Variants in PAX5 observed in about 807,000 individuals in gnomAD.
PAX5 encodes the protein paired box protein Pax-5.
Under a neutral mutation model 43.7 loss-of-function variants are expected in PAX5, and 9 were observed. The ratio of observed to expected loss-of-function variants is 0.21; its 90% confidence interval spans 0.12 to 0.36. The LOEUF is 0.36. PAX5 is among the 10% of genes least tolerant of loss of function. The pLI, the probability that PAX5 is intolerant of heterozygous loss-of-function variation, is 1.00. For missense variants in PAX5, 383 were observed against 532.7 expected (o/e 0.72, Z 2.77); for synonymous variants, 228 against 214.3 (o/e 1.06, Z -0.56).
intron 6 of PAX5, among the ~76,000 whole-genome samples, chr9:36,962,024 C>T (rs2132165611): frequency 6.6e-6 from 1 of 152,328 alleles, no homozygotes; most frequent in Non-Finnish European, 1.5e-5. Context: ...CATTTCCCTA[C>T]AAAAGCCAGC....
chr9:36,861,723 GC>G (rs1429210837), intron 8 of PAX5, among the ~76,000 whole-genome samples: 1 of 151,882 alleles, frequency 6.6e-6, no homozygotes, highest in African/African-American at 2.4e-5. Context: ...CTGGAGAGAA[GC>G]CAGGGTGGGG....
intron 8 of PAX5, among the ~76,000 whole-genome samples, chr9:36,857,311 G>A (rs993810620): frequency 1.3e-5 from 2 of 152,152 alleles, no homozygotes; most frequent in Non-Finnish European, 2.9e-5. Context: ...TTCACTTTTA[G>A]ACTCCTATAC....
intron 5 of PAX5, among the ~76,000 whole-genome samples, chr9:36,976,884 G>A (rs1418611564): frequency 1.3e-5 from 2 of 152,118 alleles, no homozygotes; most frequent in African/African-American, 4.8e-5. Flanking sequence ...ATCTGTCAGG[G>A]GCCAGACAGC....
intron 6 of PAX5, among the ~76,000 whole-genome samples, chr9:36,934,448 G>C (rs1157022732): frequency 1.3e-5 from 2 of 152,206 alleles, no homozygotes; most frequent in Non-Finnish European, 2.9e-5. Flanking sequence ...TCAATTTATT[G>C]TACTATAGTT....
At position 36,966,728 on chromosome 9, in the gene PAX5, T is replaced by A. The variant is rs775047904; in HGVS notation, c.605-4A>T. The A allele has an allele frequency of 2.5e-6, 4 of 1,613,524 alleles. No homozygotes were observed. The highest frequency in any genetic ancestry group is 2.5e-6 in the Non-Finnish European group (3 of 1,179,608). ...GGCACCGGAGACTCCTGAATACCTT[T>A]GATGAGCAGGAGAGAGGAAGGGTGA... On this transcript the variant is annotated splice_region_variant and splice_polypyrimidine_tract_variant and intron_variant, in intron 5 of 9. Transcript: ENST00000358127.
chr9:36,840,943 A>G (rs1005474986), intron 9 of PAX5, among the ~76,000 whole-genome samples: 1 of 152,200 alleles, frequency 6.6e-6, no homozygotes, highest in Non-Finnish European at 1.5e-5. Context: ...GAATGCAGGC[A>G]TTGCCCATTA....
intron 7 of PAX5, among the ~76,000 whole-genome samples, chr9:36,901,620 C>T (rs1828399916): frequency 2.0e-5 from 3 of 152,096 alleles, no homozygotes; most frequent in Non-Finnish European, 4.4e-5. Context: ...AGTGTCCTTC[C>T]CAGGGTCAGC....
At chr9:36,936,850 GCACACA>G (rs3059895) in intron 6 of PAX5, among the ~76,000 whole-genome samples, 124 of 145,926 alleles carry the variant, frequency 8.5e-4, no homozygotes, top group African/African-American at 2.8e-3. Context: ...ACACACACAT[GCACACA>G]CACACACACA....
intron 7 of PAX5, among the ~76,000 whole-genome samples, chr9:36,886,850 C>T (rs1282041621): frequency 3.3e-5 from 5 of 152,178 alleles, no homozygotes; most frequent in African/African-American, 1.2e-4. Flanking sequence ...TCATGCGTGG[C>T]CTTCTCTTAC....
chr9:37,029,522 C>A (rs1840758933), intron 1 of PAX5, among the ~76,000 whole-genome samples: 1 of 152,234 alleles, frequency 6.6e-6, no homozygotes, highest in South Asian at 2.1e-4. Context: ...CGGATCTTCC[C>A]CTTTCACCCC....
chr9:36,890,713 G>A lies in PAX5; in HGVS notation c.911-8608C>T, dbSNP rs547854747. On this transcript the variant is annotated intron_variant, in intron 7 of 9. Coordinates refer to ENST00000358127, the MANE Select transcript of PAX5 (RefSeq NM_016734.3). ...GAGACAGATATGGCAGTGCCTGCTC[G>A]CTGTGGCCTCCACACTCTTGCCCAC... 7.2e-5 allele frequency among the ~76,000 whole-genome samples: 11 copies of A among 152,252 alleles called. No individual in the cohort carries two copies. The South Asian group carries it at 2.1e-3, about 29-fold the overall frequency.
chr9:36,866,880 G>A (rs1053601303), intron 8 of PAX5, among the ~76,000 whole-genome samples: 3 of 148,154 alleles, frequency 2.0e-5, no homozygotes, highest in East Asian at 4.1e-4. Context: ...CACACAACAC[G>A]CTCCACACAG....
chr9:37,021,946 A>C (rs1233452374), intron 1 of PAX5, among the ~76,000 whole-genome samples: 2 of 152,204 alleles, frequency 1.3e-5, no homozygotes, highest in African/African-American at 2.4e-5. Flanking sequence ...AAAGACCTCA[A>C]AGGTCTCACA....
chr9:36,952,124 G>A (rs1158825348), intron 6 of PAX5, among the ~76,000 whole-genome samples: 1 of 150,580 alleles, frequency 6.6e-6, no homozygotes, highest in Non-Finnish European at 1.5e-5. Flanking sequence ...CTATGTATTT[G>A]GTTACCATCA....
intron 8 of PAX5, among the ~76,000 whole-genome samples, chr9:36,855,100 G>A (rs1224292138): frequency 5.3e-5 from 8 of 152,230 alleles, no homozygotes; most frequent in African/African-American, 1.9e-4. Context: ...ATCCTCTAGG[G>A]AATTCAGTGG....
chr9:36,948,040 C>T (rs1004050796), intron 6 of PAX5, among the ~76,000 whole-genome samples: 1 of 152,340 alleles, frequency 6.6e-6, no homozygotes, highest in Middle Eastern at 3.4e-3. Flanking sequence ...GTGCCAGGCA[C>T]TGTCCAAGAC....
At chr9:36,969,365 C>T (rs551492069) in intron 5 of PAX5, among the ~76,000 whole-genome samples, 1 of 152,276 alleles carries the variant, frequency 6.6e-6, no homozygotes, top group South Asian at 2.1e-4. Context: ...ATCCCTCTCC[C>T]CCGGGACTCA....
intron 8 of PAX5, among the ~76,000 whole-genome samples, chr9:36,874,714 CT>C (rs1825766196): frequency 6.6e-6 from 1 of 152,154 alleles, no homozygotes; most frequent in Non-Finnish European, 1.5e-5. Context: ...GCTCTCATTT[CT>C]GACTGGATTC....
At chr9:36,907,757 A>C (rs995445068) in intron 7 of PAX5, among the ~76,000 whole-genome samples, 5 of 152,244 alleles carry the variant, frequency 3.3e-5, no homozygotes, top group African/African-American at 1.2e-4. Context: ...GTATGTGTAC[A>C]TCCTGACATG....
Sources: gnomAD v4.1 joint callset for allele counts (sites outside exome capture counted in the v4.1 genomes callset) on GRCh38, gnomAD v4.1.1 for gene constraint, MANE v1.5 for transcripts, NCBI Gene and HGNC (gene_info 2026-07-23, HGNC 2026-07-21) for gene names.